Variants in HPSE observed in about 807,000 individuals in gnomAD.
HPSE encodes heparanase.
In HPSE, 48 loss-of-function variants were observed where a neutral mutation model predicts 65.1. The observed-to-expected ratio is 0.74, with a 90% CI of 0.58 to 0.94. The LOEUF (loss-of-function observed/expected upper bound fraction) is 0.94, where lower values mean the gene tolerates loss of function less well. Ranked by LOEUF, HPSE falls within the 40% of genes least tolerant of loss-of-function variation. The pLI is 0.00. For synonymous variants in HPSE, 243 were observed against 260.0 expected (o/e 0.93, Z 0.63); for missense variants, 644 against 637.5 (o/e 1.01, Z -0.11).
intron 3 of HPSE, among the ~76,000 whole-genome samples, chr4:83,316,712 C>T (rs1244848659): frequency 2.0e-5 from 3 of 152,192 alleles, no homozygotes; most frequent in African/African-American, 4.8e-5. Flanking sequence ...CCCGGAATTA[C>T]ATCTGTAACA....
chr4:83,305,472 C>T (rs924204086), intron 9 of HPSE, among the ~76,000 whole-genome samples: 2 of 152,174 alleles, frequency 1.3e-5, no homozygotes, highest in African/African-American at 4.8e-5. Context: ...CACGTACGCT[C>T]TTTGCAAAAT....
chr4:83,328,706 G>A (rs1037335915), intron 1 of HPSE, among the ~76,000 whole-genome samples: 3 of 151,732 alleles, frequency 2.0e-5, no homozygotes, highest in Non-Finnish European at 2.9e-5. Flanking sequence ...AAACGGGGTG[G>A]TTTCTGCAGA....
chr4:83,312,228 C>T (rs974980681), intron 4 of HPSE, among the ~76,000 whole-genome samples: 7 of 152,142 alleles, frequency 4.6e-5, no homozygotes, highest in African/African-American at 1.4e-4. Context: ...TTGCTGGCTC[C>T]AACTGGTTCT....
At chr4:83,308,320 C>G (rs906855345) in intron 8 of HPSE, among the ~76,000 whole-genome samples, 1 of 152,222 alleles carries the variant, frequency 6.6e-6, no homozygotes, top group African/African-American at 2.4e-5. Flanking sequence ...GCAGGAGAAT[C>G]GCTTCAATCC....
chr4:83,299,003 T>C (rs753194509), intron 11 of HPSE, among the ~76,000 whole-genome samples: 9 of 152,006 alleles, frequency 5.9e-5, no homozygotes, highest in Non-Finnish European at 1.2e-4. Context: ...AAAGAGAATT[T>C]AGGGGAACAA....
At chr4:83,302,746 G>A (rs540360081) in intron 9 of HPSE, among the ~76,000 whole-genome samples, 117 of 152,216 alleles carry the variant, frequency 7.7e-4, no homozygotes, top group African/African-American at 2.6e-3. Flanking sequence ...AGCTGAAGTG[G>A]GTAGATCACT....
rs1440913103 is a variant in HPSE at position 83,319,474 on chromosome 4, A to G, written c.374-5T>C. On this transcript the variant is annotated splice_polypyrimidine_tract_variant and splice_region_variant and intron_variant, in intron 2 of 11. Transcript: ENST00000311412. Reference sequence around the variant, plus strand: ...TGGATCCATATTTGCAAATATCTGCAAGTGGAAGAGATCATTTAGAAGGTC... The same window carrying G: ...TGGATCCATATTTGCAAATATCTGCGAGTGGAAGAGATCATTTAGAAGGTC... 1.2e-6 allele frequency: 2 copies of G among 1,613,338 alleles called. No individual in the cohort carries two copies. The highest frequency in any genetic ancestry group is 1.7e-6 in the Non-Finnish European group (2 of 1,179,434).
intron 3 of HPSE, among the ~76,000 whole-genome samples, chr4:83,314,086 C>G (rs1034301543): frequency 5.9e-5 from 9 of 151,832 alleles, no homozygotes; most frequent in African/African-American, 2.2e-4. Context: ...AACCACATCT[C>G]TACAAAAAAC....
chr4:83,308,232 AC>A (rs1736219462), intron 8 of HPSE, among the ~76,000 whole-genome samples: 1 of 151,918 alleles, frequency 6.6e-6, no homozygotes, highest in African/African-American at 2.4e-5. Context: ...ACATGTCAAA[AC>A]CCCGTCTCTA....
intron 1 of HPSE, among the ~76,000 whole-genome samples, chr4:83,329,983 C>G (rs1737302196): frequency 6.6e-6 from 1 of 152,202 alleles, no homozygotes; most frequent in Non-Finnish European, 1.5e-5. Flanking sequence ...GGCTAGTCTA[C>G]ACTGAGCGTG....
At chr4:83,331,203 G>A (rs956875072) in intron 1 of HPSE, among the ~76,000 whole-genome samples, 3 of 150,032 alleles carry the variant, frequency 2.0e-5, no homozygotes, top group South Asian at 2.1e-4. Flanking sequence ...AAATTGTCTC[G>A]GAAAAAAAAA....
chr4:83,327,046 T>G (rs751117512), intron 1 of HPSE, among the ~76,000 whole-genome samples: 13 of 152,182 alleles, frequency 8.5e-5, no homozygotes, highest in Admixed American at 2.6e-4. Context: ...ATCAACTTCC[T>G]TTTTCATTTC....
rs1399881104 is a variant in HPSE at position 83,306,333 on chromosome 4, A to G, written c.1092-16T>C. 2 of 1,451,718 alleles carry G rather than the reference A, an allele frequency of 1.4e-6. No individual in the cohort carries two copies. The highest frequency in any genetic ancestry group is 1.2e-5 in the South Asian group (1 of 86,634). 89.9% of individuals were successfully genotyped at this position (1,451,718 alleles called of 1,614,324 possible). A position where few individuals can be genotyped will look rare whatever the true frequency, so the allele number is the denominator to read the frequency against. On this transcript the variant is annotated splice_polypyrimidine_tract_variant and intron_variant, in intron 8 of 11. Transcript: ENST00000311412. ...ATCCAGCCACCTGGGACAGAGCAAG[A>G]CCAAGCTTTCTTGAGGTTTGGAAAC...
chr4:83,328,087 A>G lies in HPSE; in HGVS notation c.228-5723T>C, dbSNP rs6848733. ...CCTAAAGGGGTAAGAAAGTGCTTCC[A>G]TTGTCAACCTTGCCAAATGCCTCCA... On this transcript the variant is annotated intron_variant, in intron 1 of 11. Coordinates refer to ENST00000311412, the MANE Select transcript of HPSE (RefSeq NM_001098540.3). 7.6e-3 allele frequency among the ~76,000 whole-genome samples: 1,160 copies of G among 152,348 alleles called. 13 individuals are homozygous for G. Among genetic ancestry groups the G allele is most frequent in the African/African-American group, 0.027 (1,105 of 41,588 alleles).
At chr4:83,318,692 A>C (rs1736752950) in intron 3 of HPSE, among the ~76,000 whole-genome samples, 1 of 149,116 alleles carries the variant, frequency 6.7e-6, no homozygotes. Flanking sequence ...GCTGGGCGAC[A>C]AGAGTGAGAT....
intron 9 of HPSE, among the ~76,000 whole-genome samples, chr4:83,303,782 G>C (rs1174994282): frequency 6.6e-6 from 1 of 152,104 alleles, no homozygotes; most frequent in African/African-American, 2.4e-5. Flanking sequence ...TCCTGCCTCA[G>C]CTTCCCAAAG....
In HPSE at chr4:83,302,168, T is replaced by G. The variant is rs147570655; in HGVS notation, c.1307A>C (p.His436Pro). ...TACTTACTTGTCAGTGTTTGTGCAA[T>G]GAAGGTATACTCGAAGCTTCCTTCT... ...SKRRKLRVYL[H>P]CTNTDNPRYK... is the part of the protein sequence containing the mutation. The change falls in exon 10 of 12, where the codon CAT becomes CCT. Residue 436 changes from histidine to proline, a missense_variant. Transcript: ENST00000311412. 1.7e-5 allele frequency: 28 copies of G among 1,610,922 alleles called. No homozygotes were observed. The highest frequency in any genetic ancestry group is 2.4e-5 in the Non-Finnish European group (28 of 1,177,182).
At chr4:83,327,758 T>G (rs1286166997) in intron 1 of HPSE, among the ~76,000 whole-genome samples, 2 of 152,240 alleles carry the variant, frequency 1.3e-5, no homozygotes, top group Non-Finnish European at 2.9e-5. Flanking sequence ...GAGCCAGTTG[T>G]TAAACTGTTG....
chr4:83,313,021 CAA>C (rs370866017), intron 4 of HPSE, 91 bp downstream of exon 4: 13,314 of 615,320 alleles, frequency 0.022, no homozygotes, highest in South Asian at 0.037. Flanking sequence ...GACTCTGTCT[CAA>C]AAAAAAAAAA....
Sources: allele counts gnomAD v4.1 joint callset (sites outside exome capture counted in the v4.1 genomes callset), GRCh38; gene constraint gnomAD v4.1.1; transcripts MANE v1.5; gene names NCBI Gene and HGNC (gene_info 2026-07-23, HGNC 2026-07-21).